Variants in LDLRAD3 observed in about 807,000 individuals in gnomAD.
The protein encoded by LDLRAD3 is low density lipoprotein receptor class A domain containing 3, also known as low-density lipoprotein receptor class A domain-containing protein 3.
LDLRAD3 carries 20 observed loss-of-function variants against 29.4 expected under a neutral mutation model. The observed-to-expected ratio is 0.68, with a 90% CI of 0.48 to 0.99. The LOEUF (loss-of-function observed/expected upper bound fraction) is 0.99. LDLRAD3 is among the 50% of genes least tolerant of loss of function. The probability of loss-of-function intolerance (pLI) is 0.00; values close to 1 mark genes in which losing one functional copy is unlikely to be tolerated. For synonymous variants in LDLRAD3, 157 were observed against 192.7 expected (o/e 0.81, Z 1.53); for missense variants, 420 against 454.3 (o/e 0.92, Z 0.69).
At chr11:36,106,859 C>T (rs899976976) in intron 4 of LDLRAD3, among the ~76,000 whole-genome samples, 2 of 152,236 alleles carry the variant, frequency 1.3e-5, no homozygotes, top group African/African-American at 4.8e-5. Flanking sequence ...TGTCCCTGCC[C>T]CGTGGATGCG....
intron 3 of LDLRAD3, among the ~76,000 whole-genome samples, chr11:36,092,442 C>A (rs1853297235): frequency 6.6e-6 from 1 of 152,230 alleles, no homozygotes; most frequent in African/African-American, 2.4e-5. Context: ...AGTGTATTCA[C>A]CCTACTCTGG....
intron 1 of LDLRAD3, among the ~76,000 whole-genome samples, chr11:35,999,274 G>A (rs57133344): frequency 2.2e-4 from 33 of 152,314 alleles, no homozygotes; most frequent in African/African-American, 7.9e-4. Flanking sequence ...AGAGGTGCAG[G>A]AAAGTGCTGC....
In LDLRAD3 at chr11:36,022,303, T is replaced by C. The variant is rs79610047; in HGVS notation, c.47-13800T>C. ...TACATTACATCTAGTCTTTATATCA[T>C]AGTAATTCTTTAATCGTGAATTATA... On this transcript the variant is annotated intron_variant, in intron 1 of 5. Transcript: ENST00000315571. Among the ~76,000 whole-genome samples the C allele has an allele frequency of 4.1e-4, 63 of 152,348 alleles. 1 individual carries two copies. In the East Asian group the frequency reaches 0.01, roughly 25 times the overall value.
intron 1 of LDLRAD3, among the ~76,000 whole-genome samples, chr11:36,011,678 A>G (rs1372932775): frequency 6.6e-6 from 1 of 152,204 alleles, no homozygotes; most frequent in Non-Finnish European, 1.5e-5. Context: ...GGGACATAGC[A>G]GAGGTCAGTT....
intron 1 of LDLRAD3, among the ~76,000 whole-genome samples, chr11:35,958,203 T>A (rs1736183660): frequency 6.6e-6 from 1 of 152,168 alleles, no homozygotes; most frequent in South Asian, 2.1e-4. Context: ...AATGTAAAAA[T>A]TCAGTTTCTC....
chr11:36,124,998 T>C (rs899687042), intron 4 of LDLRAD3, among the ~76,000 whole-genome samples: 2 of 152,304 alleles, frequency 1.3e-5, no homozygotes, highest in African/African-American at 4.8e-5. Context: ...TTTAAGGGTC[T>C]TTGCAGGTGC....
chr11:35,966,504 A>C (rs1851343772), intron 1 of LDLRAD3, among the ~76,000 whole-genome samples: 1 of 152,220 alleles, frequency 6.6e-6, no homozygotes, highest in South Asian at 2.1e-4. Context: ...AGTATGATGA[A>C]ATAATAGGAA....
At chr11:36,191,085 A>AG (rs1854934161) in intron 4 of LDLRAD3, among the ~76,000 whole-genome samples, 2 of 152,196 alleles carry the variant, frequency 1.3e-5, no homozygotes, top group Admixed American at 1.3e-4. Flanking sequence ...GACACAGGAT[A>AG]TGGGAAATTG....
intron 4 of LDLRAD3, among the ~76,000 whole-genome samples, chr11:36,186,811 CT>C (rs1206920400): frequency 6.6e-6 from 1 of 152,210 alleles, no homozygotes; most frequent in Non-Finnish European, 1.5e-5. Flanking sequence ...ATGAGCCCCC[CT>C]GTGGGTTACG....
intron 1 of LDLRAD3, among the ~76,000 whole-genome samples, chr11:35,963,395 A>G (rs917177935): frequency 1.3e-5 from 2 of 151,148 alleles, no homozygotes; most frequent in East Asian, 1.9e-4. Context: ...ATTCATTACA[A>G]TTGTTTCCTT....
At chr11:36,177,240 C>T (rs114338871) in intron 4 of LDLRAD3, among the ~76,000 whole-genome samples, 151 of 152,044 alleles carry the variant, frequency 9.9e-4, no homozygotes, top group African/African-American at 3.4e-3. Context: ...TTTTAAATTT[C>T]TTTAAATTGG....
chr11:36,229,357 C>G lies in LDLRAD3; in HGVS notation c.998C>G (p.Pro333Arg). ...QPGPQEGTAE[P>R]RDSEPSQGTE... is the part of the protein sequence containing the mutation. The stretch of plus-strand genomic sequence containing the variant: ...GGCCCCCAGGAGGGCACTGCTGAGC[C>G]CAGGGACTCTGAGCCCAGCCAGGGC... The change falls in exon 6 of 6, where the codon CCC becomes CGC. Residue 333 changes from proline (P) to arginine (R), a missense_variant. By Grantham distance (103) the Pro-to-Arg change is moderately radical (BLOSUM62 -2). Coordinates refer to ENST00000315571, the MANE Select transcript of LDLRAD3 (RefSeq NM_174902.4). 2 of 1,613,714 alleles carry G rather than the reference C, an allele frequency of 1.2e-6. No individual in the cohort carries two copies. The highest frequency in any genetic ancestry group is 2.7e-5 in the African/African-American group (2 of 75,050).
intron 4 of LDLRAD3, among the ~76,000 whole-genome samples, chr11:36,165,504 CT>C (rs35207979): frequency 7.6e-4 from 116 of 152,094 alleles, no homozygotes; most frequent in Middle Eastern, 6.8e-3. Flanking sequence ...TTGATAGAAC[CT>C]TTTTTTCATC....
intron 1 of LDLRAD3, among the ~76,000 whole-genome samples, chr11:35,994,351 A>C (rs1269746031): frequency 1.3e-5 from 2 of 150,990 alleles, no homozygotes; most frequent in Non-Finnish European, 3.0e-5. Context: ...AAAAAAAAAA[A>C]AAAAAAAAAA....
At chr11:36,186,285 G>A (rs941206235) in intron 4 of LDLRAD3, among the ~76,000 whole-genome samples, 8 of 152,176 alleles carry the variant, frequency 5.3e-5, no homozygotes, top group Non-Finnish European at 1.2e-4. Context: ...TATAATGCTT[G>A]ACATGTAATA....
intron 4 of LDLRAD3, among the ~76,000 whole-genome samples, chr11:36,186,870 G>C (rs1854856888): frequency 6.6e-6 from 1 of 152,154 alleles, no homozygotes; most frequent in South Asian, 2.1e-4. Context: ...CTCAAGATGT[G>C]TGCATTTTGC....
intron 3 of LDLRAD3, among the ~76,000 whole-genome samples, chr11:36,092,778 T>G (rs1853302721): frequency 6.6e-6 from 1 of 152,226 alleles, no homozygotes; most frequent in Non-Finnish European, 1.5e-5. Flanking sequence ...GGAGAAGCCA[T>G]AGACCCTGAG....
intron 4 of LDLRAD3, among the ~76,000 whole-genome samples, chr11:36,162,014 TGAAA>T (rs1854447075): frequency 6.6e-6 from 1 of 152,166 alleles, no homozygotes; most frequent in African/African-American, 2.4e-5. Flanking sequence ...AAATCAGTAA[TGAAA>T]GAACTGAAGT....
intron 4 of LDLRAD3, among the ~76,000 whole-genome samples, chr11:36,186,432 G>T (rs1285244899): frequency 6.6e-6 from 1 of 152,142 alleles, no homozygotes; most frequent in Non-Finnish European, 1.5e-5. Context: ...CATTTTGAAA[G>T]GGGAAATTGA....
Sources: gnomAD v4.1 joint callset for allele counts (sites outside exome capture counted in the v4.1 genomes callset) on GRCh38, gnomAD v4.1.1 for gene constraint, MANE v1.5 for transcripts, NCBI Gene and HGNC (gene_info 2026-07-23, HGNC 2026-07-21) for gene names.